MSL2: variants seen among roughly 807,000 people sequenced by gnomAD.
MSL2 encodes the protein MSL complex subunit 2, also known as E3 ubiquitin-protein ligase MSL2.
MSL2 carries 2 observed loss-of-function variants against 35.8 expected under a neutral mutation model. The observed-to-expected ratio is 0.06, with a 90% CI of 0.02 to 0.18. MSL2 has a LOEUF of 0.18. MSL2 is among the 10% of genes least tolerant of loss of function. The pLI, the probability that MSL2 is intolerant of heterozygous loss-of-function variation, is 1.00. For synonymous variants in MSL2, 296 were observed against 255.7 expected, an observed-to-expected ratio of 1.16 and a Z score of -1.50; for missense variants, 523 against 706.7, an observed-to-expected ratio of 0.74 and a Z score of 2.95.
At chr3:136,192,642 A>G (rs1940723046) in intron 1 of MSL2, among the ~76,000 whole-genome samples, 1 of 152,196 alleles carries the variant, frequency 6.6e-6, no homozygotes, top group African/African-American at 2.4e-5. Flanking sequence ...ATATCAATCC[A>G]GTTAAAAGAG....
At chr3:136,191,554 A>G (rs763919322) in intron 1 of MSL2, among the ~76,000 whole-genome samples, 4 of 151,974 alleles carry the variant, frequency 2.6e-5, no homozygotes, top group Admixed American at 6.6e-5. Flanking sequence ...CCAAGGCACA[A>G]GGATAGTTTG....
chr3:136,157,333 C>T (rs1314463110), intron 1 of MSL2, among the ~76,000 whole-genome samples: 1 of 151,914 alleles, frequency 6.6e-6, no homozygotes, highest in African/African-American at 2.4e-5. Context: ...ATGGTAAAAC[C>T]CTGTCTCTAC....
At chr3:136,185,459 A>T (rs1459592837) in intron 1 of MSL2, among the ~76,000 whole-genome samples, 5 of 151,860 alleles carry the variant, frequency 3.3e-5, no homozygotes, top group African/African-American at 1.2e-4. Context: ...ATGGACACAA[A>T]AATCACCCTT....
At position 136,150,923 on chromosome 3, in the gene MSL2, AAAC is replaced by A; in HGVS notation, c.*221_*223del. ...AATCAGTTGCATCAGCTTTGTTCTCAAACTATGAGGTTCTGTAAGAACTAAGGA... is the reference window on the plus strand; with the variant it reads ...AATCAGTTGCATCAGCTTTGTTCTCATATGAGGTTCTGTAAGAACTAAGGA... On this transcript the variant is annotated 3_prime_UTR_variant, in exon 2 of 2. Coordinates refer to ENST00000309993, the MANE Select transcript of MSL2 (RefSeq NM_018133.4). The A allele has an allele frequency of 1.9e-6, 1 of 514,340 alleles. No homozygotes were observed. Among genetic ancestry groups the A allele is most frequent in the Non-Finnish European group, 3.4e-6 (1 of 290,630 alleles). The allele number at this position is 514,340 out of a possible 1,614,324, so 31.9% of individuals were successfully genotyped here.
At chr3:136,163,602 G>A (rs1314513805) in intron 1 of MSL2, among the ~76,000 whole-genome samples, 1 of 152,208 alleles carries the variant, frequency 6.6e-6, no homozygotes, top group Non-Finnish European at 1.5e-5. Flanking sequence ...GGGCAAACCT[G>A]AAGAGGTTCC....
chr3:136,156,104 G>A (rs1687625351), intron 1 of MSL2: 1 of 215,710 alleles, frequency 4.6e-6, no homozygotes, highest in South Asian at 6.9e-5. Flanking sequence ...CACTGTGCTG[G>A]AGTCCAGTAT....
chr3:136,166,354 C>A (rs916814873), intron 1 of MSL2, among the ~76,000 whole-genome samples: 1 of 151,802 alleles, frequency 6.6e-6, no homozygotes, highest in Non-Finnish European at 1.5e-5. Context: ...CACCACTGCA[C>A]TCCAGCCTGG....
intron 1 of MSL2, among the ~76,000 whole-genome samples, chr3:136,162,020 C>A (rs934725426): frequency 2.0e-5 from 3 of 151,876 alleles, no homozygotes; most frequent in Non-Finnish European, 4.4e-5. Context: ...TCACTACAAC[C>A]TCTGCCTCCT....
At chr3:136,162,305 A>C (rs938574310) in intron 1 of MSL2, among the ~76,000 whole-genome samples, 1 of 150,314 alleles carries the variant, frequency 6.7e-6, no homozygotes, top group African/African-American at 2.4e-5. Context: ...CTACCAGGCC[A>C]GGTGTGGTGG....
In MSL2 at chr3:136,195,079, G is replaced by A; in HGVS notation, c.35C>T (p.Ser12Phe). ...NPVNATALYISASRLVLNYDP... is the reference protein window; with the variant it reads ...NPVNATALYIFASRLVLNYDP... ...GTAGTTGAGCACTAGGCGGCTCGCG[G>A]AAATGTAGAGAGCAGTAGCATTCAC... The change falls in exon 1 of 2, where the codon TCC becomes TTC. Residue 12 changes from serine (S) to phenylalanine (F), a missense_variant. Physicochemically the swap from Ser to Phe is radical, Grantham distance 155. Transcript: ENST00000309993. 1 of 1,613,976 alleles carries A rather than the reference G, an allele frequency of 6.2e-7. No individual in the cohort carries two copies. Among genetic ancestry groups the A allele is most frequent in the Non-Finnish European group, 8.5e-7 (1 of 1,179,984 alleles).
At chr3:136,182,154 G>A (rs905019541) in intron 1 of MSL2, among the ~76,000 whole-genome samples, 2 of 152,092 alleles carry the variant, frequency 1.3e-5, no homozygotes, top group African/African-American at 4.8e-5. Flanking sequence ...TATCTGCAAT[G>A]TCCAATAAGG....
At chr3:136,180,458 T>C (rs777374737) in intron 1 of MSL2, among the ~76,000 whole-genome samples, 8 of 151,634 alleles carry the variant, frequency 5.3e-5, no homozygotes, top group African/African-American at 7.3e-5. Flanking sequence ...AAAAGACACT[T>C]TGGGAGGCTG....
At chr3:136,152,805 T>G in intron 1 of MSL2, 67 bp from the exon 2 acceptor site, 1 of 1,553,456 alleles carries the variant, frequency 6.4e-7, no homozygotes, top group Non-Finnish European at 8.7e-7. Flanking sequence ...AAACTGAAGT[T>G]TAGATGACAT....
intron 1 of MSL2, among the ~76,000 whole-genome samples, chr3:136,175,707 C>CTG (rs1415104306): frequency 6.6e-6 from 1 of 152,112 alleles, no homozygotes; most frequent in African/African-American, 2.4e-5. Flanking sequence ...AACAACAAGT[C>CTG]TGAGATAGGG....
rs1433222896 is a variant in MSL2, at chr3:136,149,728, T to C, written c.*1419A>G. On this transcript the variant is annotated 3_prime_UTR_variant, in exon 2 of 2. Coordinates refer to ENST00000309993, the MANE Select transcript of MSL2 (RefSeq NM_018133.4). ...TCTGTGTCCAAAGGTTTCTTCTCCA[T>C]GTCTTGTACTAGGCGAGTAACCATC... is the stretch of plus-strand genomic sequence containing the variant. 1 of 152,178 alleles carries C rather than the reference T, an allele frequency of 6.6e-6. No individual in the cohort carries two copies. Among genetic ancestry groups the C allele is most frequent in the African/African-American group, 2.4e-5 (1 of 41,450 alleles). The allele number at this position is 152,178 out of a possible 1,614,324, so 9.4% of individuals were successfully genotyped here. A position where few individuals can be genotyped will look rare whatever the true frequency, so the allele number is the denominator to read the frequency against.
chr3:136,157,509 C>G (rs546160194), intron 1 of MSL2, among the ~76,000 whole-genome samples: 2 of 151,688 alleles, frequency 1.3e-5, no homozygotes, highest in African/African-American at 2.4e-5. Context: ...CTCAAAAAAA[C>G]GAAAATAAAT....
At chr3:136,174,494 C>G (rs978866456) in intron 1 of MSL2, among the ~76,000 whole-genome samples, 6 of 152,114 alleles carry the variant, frequency 3.9e-5, no homozygotes, top group African/African-American at 1.4e-4. Flanking sequence ...TAATTAGCCA[C>G]AAGATATACA....
At chr3:136,170,739 G>A (rs1440838383) in intron 1 of MSL2, among the ~76,000 whole-genome samples, 6 of 151,830 alleles carry the variant, frequency 4.0e-5, no homozygotes, top group Non-Finnish European at 8.8e-5. Context: ...TCTTGACTTC[G>A]TGATCCGCCC....
intron 1 of MSL2, among the ~76,000 whole-genome samples, chr3:136,184,185 A>G (rs1272047573): frequency 6.6e-6 from 1 of 151,842 alleles, no homozygotes; most frequent in Admixed American, 6.6e-5. Flanking sequence ...AGTCCCAGCT[A>G]CTCGGGAGGC....
Sources: allele counts gnomAD v4.1 joint callset (sites outside exome capture counted in the v4.1 genomes callset), GRCh38; gene constraint gnomAD v4.1.1; transcripts MANE v1.5; gene names NCBI Gene and HGNC (gene_info 2026-07-23, HGNC 2026-07-21).